Variants in PDE11A observed in about 807,000 individuals in gnomAD.
PDE11A encodes phosphodiesterase 11A.
A neutral mutation model predicts 100.5 loss-of-function variants in PDE11A; 100 were observed. The ratio of observed to expected loss-of-function variants is 1.00; its 90% CI spans 0.85 to 1.18. The LOEUF is 1.18. Among genes scored for constraint, PDE11A ranks in the 50% most tolerant of loss-of-function variants. PDE11A has a pLI of 0.00. For synonymous variants in PDE11A, 381 were observed against 420.8 expected, an observed-to-expected ratio of 0.91 and a Z score of 1.16; for missense variants, 1,141 against 1,152.6, an observed-to-expected ratio of 0.99 and a Z score of 0.15.
chr2:177,741,078 T>C (rs1426844865), intron 10 of PDE11A, among the ~76,000 whole-genome samples: 1 of 152,222 alleles, frequency 6.6e-6, no homozygotes, highest in Non-Finnish European at 1.5e-5. Context: ...GCCAGGTTCA[T>C]AGGAGGCCCT....
chr2:177,914,174 T>A (rs1363686405), intron 2 of PDE11A, among the ~76,000 whole-genome samples: 1 of 152,210 alleles, frequency 6.6e-6, no homozygotes, highest in Non-Finnish European at 1.5e-5. Context: ...ATATGGCCTC[T>A]TTTGCTTATT....
chr2:177,772,376 T>C (rs970276503), intron 9 of PDE11A, among the ~76,000 whole-genome samples: 4 of 152,326 alleles, frequency 2.6e-5, no homozygotes, highest in East Asian at 1.9e-4. Flanking sequence ...AGCCAACTTA[T>C]AGGTATTGTA....
chr2:178,105,810 A>G (rs554122392), intron 1 of PDE11A: 9 of 731,052 alleles, frequency 1.2e-5, no homozygotes, highest in Non-Finnish European at 1.7e-5. Flanking sequence ...TGCCCAGCCA[A>G]CTGGGACCTT....
chr2:178,102,042 C>A (rs923746519), intron 2 of PDE11A, among the ~76,000 whole-genome samples: 1 of 152,048 alleles, frequency 6.6e-6, no homozygotes, highest in Non-Finnish European at 1.5e-5. Context: ...TGGGTCACTG[C>A]AGCCTTAACC....
chr2:177,631,518 T>A (rs1221494565), intron 19 of PDE11A, among the ~76,000 whole-genome samples: 4 of 6,178 alleles, frequency 6.5e-4, no homozygotes, highest in South Asian at 0.013. Context: ...AAAAAATATA[T>A]ATATATATAT....
intron 12 of PDE11A, among the ~76,000 whole-genome samples, chr2:177,715,092 G>A (rs1316037807): frequency 2.0e-5 from 3 of 152,188 alleles, no homozygotes; most frequent in African/African-American, 4.8e-5. Context: ...AGGTCTTACT[G>A]TTTTTAAACA....
intron 17 of PDE11A, among the ~76,000 whole-genome samples, chr2:177,671,259 C>T (rs1335889967): frequency 1.4e-5 from 1 of 71,410 alleles, no homozygotes; most frequent in African/African-American, 3.9e-5. Context: ...TTGTTGGTAT[C>T]TCCCCTGTGC....
intron 10 of PDE11A, among the ~76,000 whole-genome samples, chr2:177,756,212 C>T (rs1574110080): frequency 6.6e-6 from 1 of 152,140 alleles, no homozygotes; most frequent in Admixed American, 6.5e-5. Flanking sequence ...GAATAGTGGG[C>T]CCCTGGTCTT....
chr2:177,969,120 G>A (rs1461684823), intron 2 of PDE11A, among the ~76,000 whole-genome samples: 1 of 152,170 alleles, frequency 6.6e-6, no homozygotes. Context: ...CCTTTGCAGG[G>A]ACATGAATGA....
chr2:177,691,350 G>C (rs1177120146), intron 15 of PDE11A, among the ~76,000 whole-genome samples: 1 of 152,162 alleles, frequency 6.6e-6, no homozygotes, highest in African/African-American at 2.4e-5. Context: ...GAGTATCACT[G>C]ACTTGGAGCC....
intron 19 of PDE11A, among the ~76,000 whole-genome samples, chr2:177,658,171 G>T (rs939686933): frequency 2.6e-5 from 4 of 152,122 alleles, no homozygotes; most frequent in African/African-American, 9.7e-5. Context: ...GTGTACCAGG[G>T]GTCCTTCTCT....
At chr2:177,759,202 C>CAT (rs55804262) in intron 10 of PDE11A, among the ~76,000 whole-genome samples, 3 of 141,330 alleles carry the variant, frequency 2.1e-5, no homozygotes, top group East Asian at 2.1e-4. Flanking sequence ...CACACACACA[C>CAT]GCACACACAA....
chr2:177,737,871 A>G (rs1249956285), intron 10 of PDE11A, among the ~76,000 whole-genome samples: 1 of 152,230 alleles, frequency 6.6e-6, no homozygotes, highest in Non-Finnish European at 1.5e-5. Context: ...AGTCTTCACC[A>G]CTGTAGGCAG....
intron 19 of PDE11A, among the ~76,000 whole-genome samples, chr2:177,637,472 C>T (rs6745743): frequency 0.16 from 25,007 of 151,846 alleles, 3,334 homozygotes; most frequent in African/African-American, 0.37. Flanking sequence ...AAGGTATTTG[C>T]ATTTTTTTGC....
intron 12 of PDE11A, among the ~76,000 whole-genome samples, chr2:177,718,507 G>T (rs1373977052): frequency 6.6e-6 from 1 of 152,178 alleles, no homozygotes; most frequent in African/African-American, 2.4e-5. Context: ...ATACTGCAGA[G>T]CCATTGGATA....
At chr2:178,019,539 C>T (rs2086380687) in intron 1 of PDE11A, among the ~76,000 whole-genome samples, 1 of 151,792 alleles carries the variant, frequency 6.6e-6, no homozygotes, top group South Asian at 2.1e-4. Flanking sequence ...AAAAAAAGCC[C>T]AATGTAGTAA....
chr2:177,969,396 C>T (rs1574314882), intron 2 of PDE11A, among the ~76,000 whole-genome samples: 1 of 152,190 alleles, frequency 6.6e-6, no homozygotes. Flanking sequence ...AACAAACCTG[C>T]ACATTCTGCA....
chr2:177,928,123 A>G (rs1190570231), intron 2 of PDE11A, among the ~76,000 whole-genome samples: 2 of 148,344 alleles, frequency 1.3e-5, no homozygotes, highest in African/African-American at 5.0e-5. Flanking sequence ...AAAAAAAAAA[A>G]AAAGCCATGA....
chr2:177,893,050 T>C (rs2084555149), intron 4 of PDE11A, among the ~76,000 whole-genome samples: 1 of 152,100 alleles, frequency 6.6e-6, no homozygotes, highest in African/African-American at 2.4e-5. Context: ...ACCACCACTA[T>C]ACGGAGAATT....
Sources: allele counts gnomAD v4.1 joint callset (sites outside exome capture counted in the v4.1 genomes callset), GRCh38; gene constraint gnomAD v4.1.1; transcripts MANE v1.5; gene names NCBI Gene and HGNC (gene_info 2026-07-23, HGNC 2026-07-21).